Variants in GARNL3 observed in about 807,000 individuals in gnomAD.
GARNL3 encodes the protein GTPase-activating Rap/Ran-GAP domain-like protein 3.
GARNL3 carries 63 observed loss-of-function variants against 125.0 expected under a neutral mutation model. The ratio of observed to expected loss-of-function variants is 0.50; its 90% CI spans 0.41 to 0.62. The LOEUF (loss-of-function observed/expected upper bound fraction) is 0.62, where lower values mean the gene tolerates loss of function less well. GARNL3 is among the 20% of genes least tolerant of loss of function. GARNL3 has a pLI of 0.00. For synonymous variants in GARNL3, 439 were observed against 457.5 expected, an observed-to-expected ratio of 0.96 and a Z score of 0.52; for missense variants, 994 against 1,244.0, an observed-to-expected ratio of 0.80 and a Z score of 3.02.
At chr9:127,327,258 A>G (rs567888638) in intron 7 of GARNL3, among the ~76,000 whole-genome samples, 1 of 152,348 alleles carries the variant, frequency 6.6e-6, no homozygotes. Flanking sequence ...CGGAGCTTAC[A>G]GTCTGGTGGG....
chr9:127,381,416 TG>T (rs1280845553), intron 22 of GARNL3, among the ~76,000 whole-genome samples: 1 of 151,978 alleles, frequency 6.6e-6, no homozygotes, highest in Non-Finnish European at 1.5e-5. Flanking sequence ...AAAATGTAGG[TG>T]GGGACATTTT....
At chr9:127,313,403 C>T in intron 3 of GARNL3, 38 bp from the exon 4 acceptor site, 1 of 1,394,826 alleles carries the variant, frequency 7.2e-7, no homozygotes, top group South Asian at 1.2e-5. Flanking sequence ...CTGGCAGGAT[C>T]AGTTGCATTC....
At chr9:127,275,322 G>A (rs1054570615) in intron 1 of GARNL3, among the ~76,000 whole-genome samples, 4 of 152,166 alleles carry the variant, frequency 2.6e-5, no homozygotes, top group Non-Finnish European at 5.9e-5. Flanking sequence ...TTCCCCACAT[G>A]GGCTGTGGAC....
At chr9:127,320,451 T>G (rs2812287) in intron 5 of GARNL3, among the ~76,000 whole-genome samples, 92,696 of 152,100 alleles carry the variant, frequency 0.61, 31,185 homozygotes, top group Admixed American at 0.76. Flanking sequence ...TAAATAAAAA[T>G]AAGAATCTAG....
At chr9:127,311,782 G>A (rs2065105000) in intron 3 of GARNL3, 47 bp downstream of exon 3, 1 of 1,317,208 alleles carries the variant, frequency 7.6e-7, no homozygotes, top group Non-Finnish European at 1.1e-6. Context: ...ATTCAAAATG[G>A]AAGTTAGTGT....
chr9:127,316,024 CAG>C (rs1251727501), intron 4 of GARNL3, among the ~76,000 whole-genome samples: 4 of 152,192 alleles, frequency 2.6e-5, no homozygotes, highest in Non-Finnish European at 5.9e-5. Flanking sequence ...CCCCTGAACA[CAG>C]AACCATTTTA....
rs60448026 is a variant in GARNL3, at chr9:127,331,720, CTTTTT to C, written c.595-543_595-539del. Among the ~76,000 whole-genome samples the C allele has an allele frequency of 6.7e-5, 5 of 74,416 alleles. 1 individual carries two copies. The highest frequency in any genetic ancestry group is 1.9e-4 in the Admixed American group (1 of 5,164). The allele number at this position is 74,416 out of a possible 152,430, so 48.8% of individuals were successfully genotyped here. ...CTACTGCTTGCTTGGCTTGGGCTTG[CTTTTT>C]TTTTTTTTTTCACATCTGTTTTGTG... is the stretch of plus-strand genomic sequence containing the variant. On this transcript the variant is annotated intron_variant, in intron 7 of 27. Transcript: ENST00000373387.
chr9:127,246,380 G>A (rs1221352990), intron 2 of GARNL3, among the ~76,000 whole-genome samples: 6 of 152,174 alleles, frequency 3.9e-5, no homozygotes, highest in Non-Finnish European at 8.8e-5. Context: ...TAAGCGTATG[G>A]GTTGTGGGGT....
chr9:127,372,866 C>G (rs539532807), intron 22 of GARNL3, among the ~76,000 whole-genome samples: 8 of 152,272 alleles, frequency 5.3e-5, no homozygotes, highest in Non-Finnish European at 1.0e-4. Context: ...AATATACTTC[C>G]CAGTGTGGAA....
chr9:127,342,110 A>T (rs977636165), intron 13 of GARNL3, 109 bp from the exon 14 acceptor site: 1 of 764,376 alleles, frequency 1.3e-6, no homozygotes, highest in African/African-American at 1.8e-5. Flanking sequence ...AAACAAAAAA[A>T]TTCCTAGATT....
intron 22 of GARNL3, among the ~76,000 whole-genome samples, chr9:127,368,818 C>T (rs1831444282): frequency 6.6e-6 from 1 of 151,942 alleles, no homozygotes; most frequent in African/African-American, 2.4e-5. Context: ...GCCTGTAGTC[C>T]TATCTACTGG....
chr9:127,313,841 G>A (rs566505892), intron 4 of GARNL3, among the ~76,000 whole-genome samples: 1 of 152,136 alleles, frequency 6.6e-6, no homozygotes, highest in East Asian at 1.9e-4. Flanking sequence ...GGATGACTTT[G>A]TCTCTTTTGG....
chr9:127,263,068 G>A (rs1165922598), upstream of GARNL3, among the ~76,000 whole-genome samples: 1 of 152,220 alleles, frequency 6.6e-6, no homozygotes, highest in Admixed American at 6.5e-5. Context: ...TGTAATATGG[G>A]GGAAGAGAAG....
chr9:127,245,293 G>A (rs1165560509), intron 2 of GARNL3: 1 of 152,410 alleles, frequency 6.6e-6, no homozygotes, highest in Non-Finnish European at 1.5e-5. Context: ...GCCGCCTTCC[G>A]GCCCTATTGG....
At chr9:127,335,857 A>T (rs747616468) in intron 10 of GARNL3, among the ~76,000 whole-genome samples, 2 of 152,086 alleles carry the variant, frequency 1.3e-5, no homozygotes, top group Non-Finnish European at 1.5e-5. Context: ...CTGAGTATCT[A>T]CATGGGATGT....
intron 1 of GARNL3, among the ~76,000 whole-genome samples, chr9:127,286,847 G>T (rs1320529600): frequency 6.6e-6 from 1 of 152,106 alleles, no homozygotes; most frequent in African/African-American, 2.4e-5. Flanking sequence ...TCCTTATTGG[G>T]TGTATTAGTT....
chr9:127,336,651 T>C, intron 11 of GARNL3, among the ~76,000 whole-genome samples: 1 of 152,244 alleles, frequency 6.6e-6, no homozygotes. Flanking sequence ...TAATCGCTGT[T>C]GTATTACCAT....
At chr9:127,299,506 T>G (rs926345108) in intron 2 of GARNL3, among the ~76,000 whole-genome samples, 6 of 152,170 alleles carry the variant, frequency 3.9e-5, no homozygotes, top group African/African-American at 1.4e-4. Flanking sequence ...TTCAAGCGAT[T>G]CTCCCACCTC....
At chr9:127,372,183 A>G (rs1366509262) in intron 22 of GARNL3, among the ~76,000 whole-genome samples, 1 of 152,230 alleles carries the variant, frequency 6.6e-6, no homozygotes, top group African/African-American at 2.4e-5. Context: ...TTCAGAATAT[A>G]TAAATAAGAA....
Sources: gnomAD v4.1 joint callset for allele counts (sites outside exome capture counted in the v4.1 genomes callset) on GRCh38, gnomAD v4.1.1 for gene constraint, MANE v1.5 for transcripts, NCBI Gene and HGNC (gene_info 2026-07-23, HGNC 2026-07-21) for gene names.